The following RSU1 variants were observed in gnomAD, a reference collection of about 807,000 sequenced individuals.
The protein encoded by RSU1 is rsu-1.
Under a neutral mutation model 31.1 loss-of-function variants are expected in RSU1, and 26 were observed. The observed-to-expected ratio is 0.84, with a 90% CI of 0.61 to 1.16. RSU1 has a LOEUF of 1.16. Ranked by LOEUF, RSU1 falls within the 50% of genes most tolerant of loss-of-function variation. RSU1 has a pLI of 0.00. For missense variants in RSU1, 320 were observed against 339.1 expected, an observed-to-expected ratio of 0.94 and a Z score of 0.44; for synonymous variants, 164 against 136.3, an observed-to-expected ratio of 1.20 and a Z score of -1.41.
intron 2 of RSU1, among the ~76,000 whole-genome samples, chr10:16,808,064 C>T (rs538238748): frequency 3.3e-5 from 5 of 151,222 alleles, no homozygotes; most frequent in African/African-American, 4.9e-5. Context: ...GAATGCCTTA[C>T]GGTAAGGCAG....
intron 8 of RSU1, among the ~76,000 whole-genome samples, chr10:16,602,766 T>C (rs748974655): frequency 2.0e-5 from 3 of 152,198 alleles, no homozygotes; most frequent in Non-Finnish European, 4.4e-5. Context: ...AATCTCAGGA[T>C]ATGGCCAGTG....
At chr10:16,772,653 AAAAAAAAACAAG>A (rs1285595809) in intron 3 of RSU1, among the ~76,000 whole-genome samples, 1 of 151,324 alleles carries the variant, frequency 6.6e-6, no homozygotes, top group African/African-American at 2.4e-5. Flanking sequence ...AAAAAAAAAA[AAAAAAAAACAAG>A]AAAAAAAAAC....
chr10:16,705,792 C>G (rs1044116201), intron 7 of RSU1, among the ~76,000 whole-genome samples: 13 of 152,246 alleles, frequency 8.5e-5, no homozygotes, highest in Admixed American at 5.2e-4. Flanking sequence ...ATCCAGCCCC[C>G]ACACATTGTA....
At chr10:16,675,399 G>A (rs1037025109) in intron 8 of RSU1, among the ~76,000 whole-genome samples, 3 of 152,218 alleles carry the variant, frequency 2.0e-5, no homozygotes, top group South Asian at 4.2e-4. Flanking sequence ...CTACTACTGA[G>A]TGGCCCACAC....
intron 3 of RSU1, among the ~76,000 whole-genome samples, chr10:16,779,923 G>C (rs1483274598): frequency 6.6e-6 from 1 of 152,134 alleles, no homozygotes; most frequent in Non-Finnish European, 1.5e-5. Context: ...AGGATGGCTT[G>C]AAACAGAATT....
intron 2 of RSU1, among the ~76,000 whole-genome samples, chr10:16,800,917 T>C (rs1220850924): frequency 1.4e-5 from 2 of 147,412 alleles, no homozygotes; most frequent in African/African-American, 2.5e-5. Flanking sequence ...GAAATCATAT[T>C]AAATGCTCAA....
intron 7 of RSU1, among the ~76,000 whole-genome samples, chr10:16,704,394 G>A (rs1389687592): frequency 6.6e-6 from 1 of 152,122 alleles, no homozygotes; most frequent in Non-Finnish European, 1.5e-5. Context: ...CCATTTTGGG[G>A]GTTTAGGATT....
intron 3 of RSU1, among the ~76,000 whole-genome samples, chr10:16,765,107 A>T (rs1837287206): frequency 6.7e-6 from 1 of 149,746 alleles, no homozygotes; most frequent in South Asian, 2.1e-4. Flanking sequence ...TATAGGTGCA[A>T]TTTTTTTTTT....
At chr10:16,799,322 G>A (rs1259452126) in intron 2 of RSU1, among the ~76,000 whole-genome samples, 1 of 152,186 alleles carries the variant, frequency 6.6e-6, no homozygotes, top group Non-Finnish European at 1.5e-5. Context: ...CTCTTCCATA[G>A]ATTCATTAGA....
At chr10:16,677,670 T>C (rs887961665) in intron 8 of RSU1, among the ~76,000 whole-genome samples, 17 of 152,220 alleles carry the variant, frequency 1.1e-4, no homozygotes, top group African/African-American at 4.1e-4. Flanking sequence ...GTATTTTTTC[T>C]TGTTGCCCTG....
intron 3 of RSU1, among the ~76,000 whole-genome samples, chr10:16,777,410 A>G (rs1013945256): frequency 6.6e-6 from 1 of 152,232 alleles, no homozygotes; most frequent in Non-Finnish European, 1.5e-5. Context: ...GTGAAACTGA[A>G]TATTTTCATG....
Position 16,674,632 on chromosome 10 carries a change from G to A in RSU1, c.731+20391C>T, listed in dbSNP as rs78087910. 3.9e-5 allele frequency among the ~76,000 whole-genome samples: 6 copies of A among 152,150 alleles called. No individual in the cohort carries two copies. In the East Asian group the frequency reaches 7.7e-4, roughly 20 times the overall value. On this transcript the variant is annotated intron_variant, in intron 8 of 8. Transcript: ENST00000345264. ...AAAATTGGAGGCAGGAGTGGGTGGTGGGCGATGGGGTCCACTTTAGATACA... is the reference window on the plus strand; with the variant it reads ...AAAATTGGAGGCAGGAGTGGGTGGTAGGCGATGGGGTCCACTTTAGATACA...
intron 7 of RSU1, among the ~76,000 whole-genome samples, chr10:16,708,268 T>C (rs898783023): frequency 6.6e-6 from 1 of 152,176 alleles, no homozygotes; most frequent in Admixed American, 6.5e-5. Context: ...ACAATAAAGC[T>C]AGAGAAAATG....
chr10:16,647,296 G>A (rs1368389735), intron 8 of RSU1, among the ~76,000 whole-genome samples: 3 of 152,164 alleles, frequency 2.0e-5, no homozygotes, highest in Admixed American at 6.5e-5. Context: ...CACACATTGT[G>A]GATAGGTATG....
intron 8 of RSU1, among the ~76,000 whole-genome samples, chr10:16,691,556 G>A (rs1268490537): frequency 3.3e-5 from 5 of 151,784 alleles, no homozygotes; most frequent in African/African-American, 9.7e-5. Context: ...TCCCAAGGAG[G>A]ACAGAAGAGA....
At chr10:16,817,242 A>AGGGCAGGGGC in intron 1 of RSU1, 73 bp downstream of exon 1, 2 of 214,082 alleles carry the variant, frequency 9.3e-6, no homozygotes, top group South Asian at 5.8e-5. Flanking sequence ...GAGGGGATGG[A>AGGGCAGGGGC]GTGGGAAGGG....
chr10:16,687,661 CTG>C (rs1835463813), intron 8 of RSU1, among the ~76,000 whole-genome samples: 1 of 152,192 alleles, frequency 6.6e-6, no homozygotes, highest in African/African-American at 2.4e-5. Flanking sequence ...AGCAGGGTAA[CTG>C]ATACCTCATG....
chr10:16,664,338 C>A (rs1048030318), intron 8 of RSU1, among the ~76,000 whole-genome samples: 1 of 152,224 alleles, frequency 6.6e-6, no homozygotes, highest in Non-Finnish European at 1.5e-5. Flanking sequence ...AGCTCTGCGA[C>A]AGTCAATCAC....
intron 8 of RSU1, among the ~76,000 whole-genome samples, chr10:16,667,647 C>T (rs770123204): frequency 1.2e-4 from 18 of 152,160 alleles, no homozygotes; most frequent in African/African-American, 2.2e-4. Flanking sequence ...ACCACCACAC[C>T]GGGCTAAGTT....
Sources: allele counts gnomAD v4.1 joint callset (sites outside exome capture counted in the v4.1 genomes callset), GRCh38; gene constraint gnomAD v4.1.1; transcripts MANE v1.5; gene names NCBI Gene and HGNC (gene_info 2026-07-23, HGNC 2026-07-21).